The following CD33 variants were observed in gnomAD, a reference collection of about 807,000 sequenced individuals.
CD33 encodes the protein CD33 molecule.
Under a neutral mutation model 31.4 loss-of-function variants are expected in CD33, and 25 were observed. That is an observed-to-expected ratio of 0.80 (90% confidence interval 0.58 to 1.11). The LOEUF (loss-of-function observed/expected upper bound fraction) is 1.11. Among genes scored for constraint, CD33 ranks in the 50% most tolerant of loss-of-function variants. The pLI, the probability that CD33 is intolerant of heterozygous loss-of-function variation, is 0.00. For synonymous variants in CD33, 176 were observed against 180.6 expected (o/e 0.97, Z 0.20); for missense variants, 407 against 448.1 (o/e 0.91, Z 0.83).
chr19:51,223,550 TTA>T (rs1980791443), upstream of CD33, among the ~76,000 whole-genome samples: 1 of 152,210 alleles, frequency 6.6e-6, no homozygotes, highest in African/African-American at 2.4e-5. Flanking sequence ...TCTGGAAATA[TTA>T]TGTCTTTGGG....
Position 51,225,563 on chromosome 19 carries a change from G to T in CD33, c.383G>T (p.Ser128Ile). The T allele has an allele frequency of 6.4e-7, 1 of 1,574,652 alleles. No individual in the cohort carries two copies. Among genetic ancestry groups the T allele is most frequent in the Non-Finnish European group, 8.6e-7 (1 of 1,160,526 alleles). ...ATGGAGAGAGGAAGTACCAAATACA[G>T]TTACAAATCTCCCCAGCTCTCTGTG... ...FRMERGSTKY[S>I]YKSPQLSVHV... Residue 128 changes from serine (S) to isoleucine (I), a missense_variant, in exon 2 of 7, where the codon AGT (serine) becomes ATT (isoleucine). Transcript: ENST00000262262.
chr19:51,230,912 G>A (rs1316309996), intron 4 of CD33, among the ~76,000 whole-genome samples: 1 of 151,972 alleles, frequency 6.6e-6, no homozygotes, highest in East Asian at 1.9e-4. Flanking sequence ...CTGTGCCTAA[G>A]GGTGGAAGGC....
intron 4 of CD33, among the ~76,000 whole-genome samples, chr19:51,227,369 T>C (rs945826350): frequency 1.3e-5 from 2 of 152,230 alleles, no homozygotes; most frequent in African/African-American, 4.8e-5. Flanking sequence ...CTCTACATCC[T>C]CACCATCATT....
upstream of CD33, among the ~76,000 whole-genome samples, chr19:51,223,641 T>C (rs1397257892): frequency 6.6e-6 from 1 of 152,190 alleles, no homozygotes; most frequent in African/African-American, 2.4e-5. Flanking sequence ...AAAAACTTGC[T>C]TCTGCCCACA....
chr19:51,233,233 G>A (rs1981545349), intron 4 of CD33, among the ~76,000 whole-genome samples: 1 of 152,226 alleles, frequency 6.6e-6, no homozygotes. Flanking sequence ...CCCAGCCTGG[G>A]GATGTATCAA....
the CD33 span, chr19:51,211,220 T>C: frequency 2.5e-6 from 4 of 1,571,198 alleles, no homozygotes; most frequent in African/African-American, 2.7e-5. Flanking sequence ...GCCCTGGCTA[T>C]GGATCCAAAA....
the CD33 span, among the ~76,000 whole-genome samples, chr19:51,216,221 CGAGTGTGTGTGTGTGTGTGTGT>C: frequency 3.1e-3 from 436 of 140,670 alleles, 1 homozygote; most frequent in African/African-American, 0.011. Context: ...AAATGTCACC[CGAGTGTGTGTGTGTGTGTGTGT>C]GTGTGTGTGT....
upstream of CD33, among the ~76,000 whole-genome samples, chr19:51,223,644 T>C (rs2123159579): frequency 6.6e-6 from 1 of 152,340 alleles, no homozygotes; most frequent in South Asian, 2.1e-4. Flanking sequence ...AACTTGCTTC[T>C]GCCCACACTG....
upstream of CD33, among the ~76,000 whole-genome samples, chr19:51,220,437 T>C (rs1156811955): frequency 1.3e-5 from 2 of 152,210 alleles, no homozygotes; most frequent in African/African-American, 2.4e-5. Flanking sequence ...TTCCACATTA[T>C]TGTGGCTGGT....
At chr19:51,236,564 A>G (rs999803963) in intron 6 of CD33, 2 of 152,316 alleles carry the variant, frequency 1.3e-5, no homozygotes, top group Non-Finnish European at 2.9e-5. Context: ...GAAATCTACT[A>G]TCCTTGGGAA....
intron 4 of CD33, among the ~76,000 whole-genome samples, chr19:51,230,817 C>T (rs564799865): frequency 3.7e-4 from 56 of 152,272 alleles, no homozygotes; most frequent in African/African-American, 1.3e-3. Flanking sequence ...GCAGGGCTTG[C>T]TTGTCTGACA....
chr19:51,213,987 G>A, the CD33 span, among the ~76,000 whole-genome samples: 1 of 150,500 alleles, frequency 6.6e-6, no homozygotes, highest in Non-Finnish European at 1.5e-5. Context: ...AGCCTCCTGA[G>A]TAGCTGGCAT....
chr19:51,219,753 A>C, the CD33 span, among the ~76,000 whole-genome samples: 2 of 152,200 alleles, frequency 1.3e-5, no homozygotes, highest in African/African-American at 4.8e-5. Context: ...GGATTTTATC[A>C]AAAGCTTTTT....
At chr19:51,218,889 A>G in the CD33 span, among the ~76,000 whole-genome samples, 113,582 of 152,104 alleles carry the variant, frequency 0.75, 43,355 homozygotes, top group African/African-American at 0.81. Flanking sequence ...CTGTGTGTCT[A>G]TTTTTATACC....
chr19:51,234,090 T>C (rs1208850963), intron 4 of CD33, among the ~76,000 whole-genome samples: 1 of 151,828 alleles, frequency 6.6e-6, no homozygotes, highest in Admixed American at 6.6e-5. Flanking sequence ...CACAGCAAAA[T>C]TGAGTGGAAT....
rs566640100 is a variant in CD33, at chr19:51,235,535, A to G, written c.843-60A>G. 1.4e-5 allele frequency: 22 copies of G among 1,560,416 alleles called. No homozygotes were observed. In the East Asian group the frequency reaches 1.6e-4, roughly 11 times the overall value. On this transcript the variant is annotated intron_variant, in intron 5 of 6. Transcript: ENST00000262262. ...TGCCAAAGTCCCTCATTCCAGGCTC[A>G]TAACAATGGCCCCACAGCCTGAGAA... is the stretch of plus-strand genomic sequence containing the variant.
At chr19:51,238,247 T>A (rs1161038059) in intron 6 of CD33, 1 of 152,244 alleles carries the variant, frequency 6.6e-6, no homozygotes, top group Non-Finnish European at 1.5e-5. Flanking sequence ...CAAGTGTATA[T>A]CAAACATTAT....
At chr19:51,212,436 C>T in the CD33 span, among the ~76,000 whole-genome samples, 1 of 152,062 alleles carries the variant, frequency 6.6e-6, no homozygotes, top group Admixed American at 6.5e-5. Context: ...CTGACCTCAC[C>T]TCATCCTGGT....
At chr19:51,213,846 T>TA in the CD33 span, among the ~76,000 whole-genome samples, 6 of 145,352 alleles carry the variant, frequency 4.1e-5, no homozygotes, top group African/African-American at 1.6e-4. Flanking sequence ...TCATTTTTCT[T>TA]TTTCTTTTTT....
Sources: allele counts gnomAD v4.1 joint callset (sites outside exome capture counted in the v4.1 genomes callset), GRCh38; gene constraint gnomAD v4.1.1; transcripts MANE v1.5; gene names NCBI Gene and HGNC (gene_info 2026-07-23, HGNC 2026-07-21).